PLCL1: variants seen among roughly 807,000 people sequenced by gnomAD.
PLCL1 encodes inactive phospholipase C-like protein 1.
Under a neutral mutation model 84.4 loss-of-function variants are expected in PLCL1, and 41 were observed. That is an observed-to-expected ratio of 0.49 (90% CI 0.38 to 0.63). PLCL1 has a LOEUF of 0.63. PLCL1 is among the 30% of genes least tolerant of loss of function. The pLI is 0.00. For synonymous variants in PLCL1, 490 were observed against 488.3 expected, an observed-to-expected ratio of 1.00 and a Z score of -0.05; for missense variants, 1,206 against 1,367.8, an observed-to-expected ratio of 0.88 and a Z score of 1.87.
intron 1 of PLCL1, among the ~76,000 whole-genome samples, chr2:197,942,945 A>G (rs148519344): frequency 6.6e-6 from 1 of 152,096 alleles, no homozygotes; most frequent in African/African-American, 2.4e-5. Context: ...AGTGGCTAAC[A>G]CCTGCAATCC....
intron 1 of PLCL1, among the ~76,000 whole-genome samples, chr2:197,978,621 AT>A (rs1690036665): frequency 6.6e-6 from 1 of 152,280 alleles, no homozygotes; most frequent in Non-Finnish European, 1.5e-5. Context: ...CTATACATAC[AT>A]TTAAGAAAGA....
At chr2:197,814,971 C>G (rs1432709873) in intron 1 of PLCL1, among the ~76,000 whole-genome samples, 1 of 152,152 alleles carries the variant, frequency 6.6e-6, no homozygotes, top group African/African-American at 2.4e-5. Flanking sequence ...AGGAAGGAAG[C>G]TATCTCTATA....
intron 1 of PLCL1, among the ~76,000 whole-genome samples, chr2:197,890,717 C>T (rs1231538938): frequency 1.4e-4 from 16 of 115,712 alleles, no homozygotes; most frequent in African/African-American, 4.7e-4. Flanking sequence ...CACACATATA[C>T]GTATATATGC....
chr2:197,960,432 C>A (rs1460812560), intron 1 of PLCL1, among the ~76,000 whole-genome samples: 3 of 152,080 alleles, frequency 2.0e-5, no homozygotes, highest in Admixed American at 2.0e-4. Context: ...CCCACTTGTT[C>A]CCTGAATGCT....
At chr2:197,849,666 TG>T (rs11362280) in intron 1 of PLCL1, among the ~76,000 whole-genome samples, 41,678 of 151,954 alleles carry the variant, frequency 0.27, 6,771 homozygotes, top group Middle Eastern at 0.44. Context: ...AACCTTAAAA[TG>T]TTTTTTTTCT....
Position 198,091,645 on chromosome 2 carries a change from A to T in PLCL1, c.2919+2584A>T, listed in dbSNP as rs1267407814. Among the ~76,000 whole-genome samples the T allele has an allele frequency of 2.0e-5, 3 of 151,738 alleles. No individual in the cohort carries two copies. In the South Asian group the frequency reaches 6.2e-4, roughly 32 times the overall value. On this transcript the variant is annotated intron_variant, in intron 3 of 5. Coordinates refer to ENST00000428675, the MANE Select transcript of PLCL1 (RefSeq NM_006226.4). ...CAGTGAGCCGAGACTGCGCCATCGCACTCCAGCCTGGGTGACAGAGCAAGA... is the reference window on the plus strand; with the variant it reads ...CAGTGAGCCGAGACTGCGCCATCGCTCTCCAGCCTGGGTGACAGAGCAAGA...
intron 1 of PLCL1, among the ~76,000 whole-genome samples, chr2:198,000,251 G>A (rs994115294): frequency 2.0e-5 from 3 of 152,266 alleles, no homozygotes; most frequent in African/African-American, 4.8e-5. Context: ...GTGCAAAAAT[G>A]TCTGCTTTGT....
chr2:198,075,695 T>C (rs975407460), intron 1 of PLCL1, among the ~76,000 whole-genome samples: 7 of 152,236 alleles, frequency 4.6e-5, no homozygotes, highest in African/African-American at 1.7e-4. Flanking sequence ...ATGAACATCT[T>C]TAATGTTATT....
rs185062829 is a variant in PLCL1, at chr2:198,094,093, A to G, written c.2919+5032A>G. ...CTTTTTGTTTTGGAAACGGAGTCTCACTCTGTCGCCCAGACTGGAGTACAG... is the reference window on the plus strand; with the variant it reads ...CTTTTTGTTTTGGAAACGGAGTCTCGCTCTGTCGCCCAGACTGGAGTACAG... On this transcript the variant is annotated intron_variant, in intron 3 of 5. Transcript: ENST00000428675. Among the ~76,000 whole-genome samples the G allele has an allele frequency of 1.1e-3, 170 of 151,918 alleles. 1 individual carries two copies. The highest frequency in any genetic ancestry group is 3.7e-3 in the African/African-American group (153 of 41,424).
At chr2:197,831,745 T>C (rs1345430060) in intron 1 of PLCL1, among the ~76,000 whole-genome samples, 2 of 152,174 alleles carry the variant, frequency 1.3e-5, no homozygotes, top group East Asian at 3.8e-4. Context: ...TAGCACTTAT[T>C]CTAAATTTGC....
At chr2:197,819,292 C>G (rs1178534823) in intron 1 of PLCL1, among the ~76,000 whole-genome samples, 1 of 152,084 alleles carries the variant, frequency 6.6e-6, no homozygotes, top group Non-Finnish European at 1.5e-5. Context: ...ACCATTCTAG[C>G]TTGCCGTGGG....
At chr2:197,941,317 G>C (rs1689154213) in intron 1 of PLCL1, among the ~76,000 whole-genome samples, 1 of 151,558 alleles carries the variant, frequency 6.6e-6, no homozygotes, top group African/African-American at 2.4e-5. Context: ...TTTGAGACAG[G>C]GTCTCGCTGT....
intron 1 of PLCL1, among the ~76,000 whole-genome samples, chr2:197,950,542 G>A (rs930249508): frequency 2.5e-4 from 38 of 152,196 alleles, no homozygotes; most frequent in African/African-American, 7.9e-4. Context: ...AAAGGTCACC[G>A]AAGAGAGGAA....
At chr2:197,943,190 C>T (rs1195888622) in intron 1 of PLCL1, among the ~76,000 whole-genome samples, 1 of 114,446 alleles carries the variant, frequency 8.7e-6, no homozygotes, top group Admixed American at 8.9e-5. Flanking sequence ...GAGTGAGACC[C>T]TCTCTCAAAA....
intron 1 of PLCL1, among the ~76,000 whole-genome samples, chr2:197,969,605 C>T (rs948869223): frequency 3.9e-5 from 6 of 152,172 alleles, no homozygotes; most frequent in Non-Finnish European, 8.8e-5. Flanking sequence ...TTGCTTGACT[C>T]ATAATGTTTG....
At chr2:197,952,514 T>C (rs1368715675) in intron 1 of PLCL1, among the ~76,000 whole-genome samples, 1 of 152,132 alleles carries the variant, frequency 6.6e-6, no homozygotes, top group Non-Finnish European at 1.5e-5. Flanking sequence ...CGTCATTAAA[T>C]TTATTGATGC....
chr2:198,069,058 A>T (rs1275211892), intron 1 of PLCL1, among the ~76,000 whole-genome samples: 1 of 151,912 alleles, frequency 6.6e-6, no homozygotes, highest in Non-Finnish European at 1.5e-5. Context: ...TAAAATAAAA[A>T]TAAAAAAATA....
chr2:197,930,958 C>A (rs1392966491), intron 1 of PLCL1, among the ~76,000 whole-genome samples: 1 of 152,084 alleles, frequency 6.6e-6, no homozygotes, highest in African/African-American at 2.4e-5. Context: ...TTACTCTATG[C>A]CCTATTCTAC....
In PLCL1 at chr2:198,084,770, TAGA is replaced by T; in HGVS notation, c.1257_1259del (p.Glu419del). The T allele has an allele frequency of 3.1e-6, 5 of 1,614,082 alleles. No homozygotes were observed. The highest frequency in any genetic ancestry group is 4.2e-6 in the Non-Finnish European group (5 of 1,179,978). ...AATGCCTCTCATAACACCTATCTAA[TAGA>T]AGACCAGTTCAGGGGGCCAGCTGAC... On this transcript the variant is annotated inframe_deletion, in exon 2 of 6. Transcript: ENST00000428675.
Sources: allele counts gnomAD v4.1 joint callset (sites outside exome capture counted in the v4.1 genomes callset), GRCh38; gene constraint gnomAD v4.1.1; transcripts MANE v1.5; gene names NCBI Gene and HGNC (gene_info 2026-07-23, HGNC 2026-07-21).